The following MCF2L variants were observed in gnomAD, a reference collection of about 807,000 sequenced individuals.
The protein encoded by MCF2L is guanine nucleotide exchange factor DBS.
A neutral mutation model predicts 153.4 loss-of-function variants in MCF2L; 97 were observed. That is an observed-to-expected ratio of 0.63 (90% confidence interval 0.54 to 0.75). The LOEUF (loss-of-function observed/expected upper bound fraction) is 0.75. Among genes scored for constraint, MCF2L ranks in the 30% least tolerant of loss-of-function variants. The pLI is 0.00. For missense variants in MCF2L, 1,347 were observed against 1,495.2 expected (o/e 0.90, Z 1.64); for synonymous variants, 659 against 632.2 (o/e 1.04, Z -0.64).
intron 2 of MCF2L, among the ~76,000 whole-genome samples, chr13:112,912,462 G>T (rs369493722): frequency 2.1e-3 from 320 of 152,002 alleles, no homozygotes; most frequent in African/African-American, 7.3e-3. Context: ...GATTACAAGC[G>T]CACGCCACCA....
rs2081810092 is a variant in MCF2L, at chr13:112,960,345, C to T, written c.170-54418C>T. Among the ~76,000 whole-genome samples, 1 of 152,208 alleles carries T rather than the reference C, an allele frequency of 6.6e-6. No individual in the cohort carries two copies. Among genetic ancestry groups the T allele is most frequent in the Non-Finnish European group, 1.5e-5 (1 of 68,038 alleles). On this transcript the variant is annotated intron_variant, in intron 2 of 29. Coordinates refer to the MCF2L transcript ENST00000375608. This position sits in a 1 kb window ranked among gnomAD's most constrained non-coding sequence, Gnocchi z 4.2. ...GCTCGTCCAGTCATGAGGGCAGGGT[C>T]CTCAGACCTGGTCACCTCTTCTTAG...
chr13:112,956,058 A>G (rs1015673688), intron 2 of MCF2L: 1 of 152,230 alleles, frequency 6.6e-6, no homozygotes, highest in South Asian at 2.1e-4. Flanking sequence ...GTGATTAACA[A>G]AGAGCCAAAA....
intron 3 of MCF2L, among the ~76,000 whole-genome samples, chr13:113,026,120 G>C (rs142915575): frequency 0.012 from 270 of 23,434 alleles, no homozygotes; most frequent in Non-Finnish European, 0.016. Flanking sequence ...GTTTCATCAT[G>C]GTGGGGTCCC....
rs2085743182 is a variant in MCF2L at position 113,031,848 on chromosome 13, T to G, written c.278+7090T>G. ...ACACATACAGATGCACACACGCACCTACACAGGCTTGCACATGCCACACAC... is the reference window on the plus strand; with the variant it reads ...ACACATACAGATGCACACACGCACCGACACAGGCTTGCACATGCCACACAC... On this transcript the variant is annotated intron_variant, in intron 3 of 29. Transcript: ENST00000535094. This position sits in a 1 kb window ranked among gnomAD's most constrained non-coding sequence, Gnocchi z 5.5. Among the ~76,000 whole-genome samples, 1 of 146,816 alleles carries G rather than the reference T, an allele frequency of 6.8e-6. No individual in the cohort carries two copies. The highest frequency in any genetic ancestry group is 1.5e-5 in the Non-Finnish European group (1 of 66,874).
chr13:113,051,251 G>A (rs1478908994), intron 4 of MCF2L, among the ~76,000 whole-genome samples: 1 of 152,210 alleles, frequency 6.6e-6, no homozygotes, highest in Admixed American at 6.5e-5. Context: ...GCTTCGGGGC[G>A]ACGAGGGAAG....
In MCF2L at chr13:113,011,260, G is replaced by C. The variant is rs116126986; in HGVS notation, c.80-3503G>C. Among the ~76,000 whole-genome samples, 661 of 152,352 alleles carry C rather than the reference G, an allele frequency of 4.3e-3. 4 individuals carry two copies. The highest frequency in any genetic ancestry group is 0.015 in the African/African-American group (636 of 41,574). On this transcript the variant is annotated intron_variant, in intron 1 of 29. Coordinates refer to ENST00000535094, the MANE Select transcript of MCF2L (RefSeq NM_001112732.3). Reference sequence around the variant, plus strand: ...AGTTTATTTGTATGAGGGCTTAGCTGTGTGCAGTTTCTGATCACACACAGG... The same window carrying C: ...AGTTTATTTGTATGAGGGCTTAGCTCTGTGCAGTTTCTGATCACACACAGG...
intron 2 of MCF2L, among the ~76,000 whole-genome samples, chr13:112,953,022 C>T (rs1024059632): frequency 5.9e-5 from 9 of 152,162 alleles, no homozygotes; most frequent in African/African-American, 1.9e-4. Flanking sequence ...GGGATGGGCC[C>T]GAGGGCTGCT....
At chr13:112,969,076 G>C (rs1312556375), upstream of MCF2L, 1 of 258,060 alleles carries the variant, frequency 3.9e-6, no homozygotes. This position sits in a 1 kb window ranked among gnomAD's most constrained non-coding sequence, Gnocchi z 4.8. Flanking sequence ...GGGGCTCCCA[G>C]GTGACCCCGG....
At chr13:113,083,934 A>G in intron 17 of MCF2L, 64 bp from the exon 18 acceptor site, 1 of 1,192,206 alleles carries the variant, frequency 8.4e-7, no homozygotes, top group South Asian at 1.2e-5. Flanking sequence ...ACGTCCATCC[A>G]CTTGTCACTG....
chr13:112,945,109 C>T (rs534462389), intron 2 of MCF2L, among the ~76,000 whole-genome samples: 3 of 151,072 alleles, frequency 2.0e-5, no homozygotes, highest in African/African-American at 7.3e-5. Flanking sequence ...TCTTGGTGCT[C>T]TATATACATA....
At position 112,902,283 on chromosome 13, in the gene MCF2L, CA is replaced by C; in HGVS notation, c.86del (p.Lys29ArgfsTer48). 1 of 1,612,798 alleles carries C rather than the reference CA, an allele frequency of 6.2e-7. No homozygotes were observed. Among genetic ancestry groups the C allele is most frequent in the Non-Finnish European group, 8.5e-7 (1 of 1,179,844 alleles). ...CTTCCCCACAACGGCCCAATGAGGC[CA>C]AAAAGGAGGAAACGGATCACCAAAT... On this transcript the variant is annotated frameshift_variant, in exon 2 of 30. Transcript: ENST00000375608. LOFTEE classifies it high-confidence loss of function.
intron 1 of MCF2L, chr13:113,001,886 G>T (rs764163703): frequency 6.3e-7 from 1 of 1,579,138 alleles, no homozygotes; most frequent in Non-Finnish European, 8.6e-7. Context: ...GCCGGGTCGG[G>T]GGCTCCTGAC....
At chr13:113,078,227 G>C in intron 13 of MCF2L, 136 bp from the exon 14 acceptor site, 1 of 707,780 alleles carries the variant, frequency 1.4e-6, no homozygotes. Flanking sequence ...CAGAGGCCAA[G>C]TCCTGCCCAC....
intron 2 of MCF2L, among the ~76,000 whole-genome samples, chr13:112,919,307 G>A (rs905626086): frequency 2.1e-5 from 3 of 144,642 alleles, no homozygotes; most frequent in South Asian, 2.2e-4. Context: ...CCGGGTTCAC[G>A]CCATTCTCCT....
intron 2 of MCF2L, 50 bp downstream of exon 2, chr13:113,014,896 G>A (rs1242753838): frequency 6.4e-7 from 1 of 1,566,290 alleles, no homozygotes; most frequent in South Asian, 1.1e-5. Context: ...TCTGGGGCCG[G>A]GTGTGGGCCG....
intron 2 of MCF2L, among the ~76,000 whole-genome samples, chr13:112,913,949 GC>G: frequency 6.6e-6 from 1 of 152,078 alleles, no homozygotes; most frequent in East Asian, 1.9e-4. Context: ...GAATCCATCA[GC>G]CCCCCAATGC....
intron 2 of MCF2L, among the ~76,000 whole-genome samples, chr13:112,916,831 C>T (rs886273186): frequency 2.0e-5 from 3 of 152,132 alleles, no homozygotes; most frequent in Non-Finnish European, 2.9e-5. Context: ...AATGGGTGGA[C>T]TGGATTCCTG....
chr13:113,018,333 G>T (rs552784576), intron 2 of MCF2L, among the ~76,000 whole-genome samples: 1 of 152,134 alleles, frequency 6.6e-6, no homozygotes, highest in Non-Finnish European at 1.5e-5. Context: ...CCCCAAAAGC[G>T]CTTCGCTTAA....
At chr13:113,062,340 G>A (rs1381407309) in intron 5 of MCF2L, among the ~76,000 whole-genome samples, 2 of 152,000 alleles carry the variant, frequency 1.3e-5, no homozygotes, top group East Asian at 1.9e-4. Flanking sequence ...AGCACCTCTC[G>A]TGGTGGCTTG....
Sources: allele counts gnomAD v4.1 joint callset (sites outside exome capture counted in the v4.1 genomes callset), GRCh38; gene constraint gnomAD v4.1.1; non-coding constraint Gnocchi (gnomAD v3.1); transcripts MANE v1.5; gene names NCBI Gene and HGNC (gene_info 2026-07-23, HGNC 2026-07-21).